Variants in CTNND2 observed in about 807,000 individuals in gnomAD.
CTNND2 encodes the protein catenin delta 2.
In CTNND2, 22 loss-of-function variants were observed where a neutral mutation model predicts 144.4. That is an observed-to-expected ratio of 0.15 (90% CI 0.11 to 0.22). The LOEUF is 0.22. Ranked by LOEUF, CTNND2 falls within the 10% of genes least tolerant of loss-of-function variation. CTNND2 has a pLI of 1.00. For synonymous variants in CTNND2, 751 were observed against 695.6 expected (o/e 1.08, Z -1.25); for missense variants, 1,353 against 1,618.8 (o/e 0.84, Z 2.82).
intron 3 of CTNND2, among the ~76,000 whole-genome samples, chr5:11,453,062 A>T (rs1170113473): frequency 6.6e-6 from 1 of 152,148 alleles, no homozygotes; most frequent in Non-Finnish European, 1.5e-5. Flanking sequence ...TCTCCATGTC[A>T]CACTTCAGGG....
chr5:11,135,386 T>C (rs964591146), intron 12 of CTNND2, among the ~76,000 whole-genome samples: 2 of 152,204 alleles, frequency 1.3e-5, no homozygotes, highest in Non-Finnish European at 2.9e-5. Flanking sequence ...TCATTTTATA[T>C]GTGCTGAAAT....
chr5:11,381,116 C>T (rs1293521079), intron 7 of CTNND2, among the ~76,000 whole-genome samples: 1 of 152,162 alleles, frequency 6.6e-6, no homozygotes, highest in Non-Finnish European at 1.5e-5. Flanking sequence ...TCAGTGGCTA[C>T]ACCTTATATA....
chr5:11,591,071 A>T (rs1779213361), intron 2 of CTNND2, among the ~76,000 whole-genome samples: 1 of 152,186 alleles, frequency 6.6e-6, no homozygotes, highest in Non-Finnish European at 1.5e-5. Flanking sequence ...CTGTTAATGC[A>T]TGTTTAAGAG....
intron 16 of CTNND2, among the ~76,000 whole-genome samples, chr5:11,070,073 C>T (rs1271610739): frequency 6.6e-6 from 1 of 152,138 alleles, no homozygotes; most frequent in Non-Finnish European, 1.5e-5. Flanking sequence ...TAACAAATCA[C>T]AAGACTTGCA....
chr5:11,767,353 G>T (rs1030706844), intron 1 of CTNND2, among the ~76,000 whole-genome samples: 1 of 152,162 alleles, frequency 6.6e-6, no homozygotes, highest in Non-Finnish European at 1.5e-5. Context: ...GTGTGAGGTT[G>T]TGTGTGGGCA....
At chr5:11,823,402 GA>G (rs2126945795) in intron 1 of CTNND2, among the ~76,000 whole-genome samples, 1 of 152,270 alleles carries the variant, frequency 6.6e-6, no homozygotes, top group South Asian at 2.1e-4. Flanking sequence ...TATTTTCAAA[GA>G]AAATGTCTCA....
chr5:11,850,622 T>G (rs1428201498), intron 1 of CTNND2, among the ~76,000 whole-genome samples: 1 of 152,224 alleles, frequency 6.6e-6, no homozygotes, highest in Admixed American at 6.5e-5. Context: ...CTTCATTTAC[T>G]TTCAAATCCA....
chr5:11,346,589 G>A lies in CTNND2; in HGVS notation c.1411C>T (p.Arg471Cys), dbSNP rs905659484. Residue 471 changes from arginine to cysteine, a missense_variant, in exon 9 of 22, where the codon CGC (arginine) becomes TGC (cysteine). By Grantham distance (180) the Arg-to-Cys change is radical. Around this residue, in one of 4 missense-constraint regions of CTNND2, gnomAD observed 708 missense variants for 706.4 expected, o/e 1.00. Coordinates refer to ENST00000304623, the MANE Select transcript of CTNND2 (RefSeq NM_001332.4). ...SPGVDSVPLQ[R>C]TGSQHGPQNA... The stretch of plus-strand genomic sequence containing the variant: ...TGTGGGCCGTGCTGGCTGCCTGTGC[G>A]CTGCAAGGGGACGGAGTCGACACCA... 14 of 1,576,660 alleles carry A rather than the reference G, an allele frequency of 8.9e-6. No homozygotes were observed. Among genetic ancestry groups the A allele is most frequent in the Admixed American group, 3.7e-5 (2 of 54,686 alleles).
rs535078185 is a variant in CTNND2, at chr5:11,241,783, C to G, written c.1629-4960G>C. 2.6e-4 allele frequency among the ~76,000 whole-genome samples: 40 copies of G among 152,276 alleles called. No individual in the cohort carries two copies. The South Asian group carries it at 7.3e-3, about 28-fold the overall frequency. The stretch of plus-strand genomic sequence containing the variant: ...AGAAAATAGTCTGTCTGGATCATTT[C>G]GGCCAGAATTCAGTGTATAGTATGG... On this transcript the variant is annotated intron_variant, in intron 9 of 21. Coordinates refer to ENST00000304623, the MANE Select transcript of CTNND2 (RefSeq NM_001332.4).
At chr5:11,126,642 T>C (rs997761891) in intron 12 of CTNND2, among the ~76,000 whole-genome samples, 1 of 152,180 alleles carries the variant, frequency 6.6e-6, no homozygotes, top group Non-Finnish European at 1.5e-5. Flanking sequence ...CACGATATCA[T>C]CAGTATGTAA....
At chr5:11,143,761 G>T (rs577746071) in intron 12 of CTNND2, among the ~76,000 whole-genome samples, 8 of 152,364 alleles carry the variant, frequency 5.3e-5, no homozygotes, top group Admixed American at 5.2e-4. Context: ...TGACTGGTGG[G>T]TGATGAAGCT....
intron 2 of CTNND2, among the ~76,000 whole-genome samples, chr5:11,695,774 C>T (rs1490646324): frequency 6.6e-5 from 10 of 152,104 alleles, no homozygotes; most frequent in Admixed American, 6.6e-4. Flanking sequence ...TCCATAATCC[C>T]TTAATTTGTC....
At chr5:11,436,101 C>T (rs949945294) in intron 3 of CTNND2, among the ~76,000 whole-genome samples, 6 of 151,922 alleles carry the variant, frequency 3.9e-5, no homozygotes, top group East Asian at 1.9e-4. Flanking sequence ...CGCTTGCTCT[C>T]GGGGGCTGGC....
intron 7 of CTNND2, among the ~76,000 whole-genome samples, chr5:11,382,108 A>G (rs1325045141): frequency 6.6e-6 from 1 of 152,176 alleles, no homozygotes; most frequent in African/African-American, 2.4e-5. Flanking sequence ...CCAGAGAGGT[A>G]CCCCCTGAAT....
chr5:11,489,599 TG>T (rs1769194523), intron 3 of CTNND2, among the ~76,000 whole-genome samples: 2 of 152,272 alleles, frequency 1.3e-5, no homozygotes, highest in African/African-American at 4.8e-5. Flanking sequence ...GAAAGCAGAA[TG>T]GGTTGGGAGA....
chr5:11,653,595 G>C (rs1370490598), intron 2 of CTNND2, among the ~76,000 whole-genome samples: 1 of 151,910 alleles, frequency 6.6e-6, no homozygotes, highest in African/African-American at 2.4e-5. Flanking sequence ...TGTGTTTTTT[G>C]TAAATATTGA....
chr5:11,773,754 T>C (rs955381545), intron 1 of CTNND2, among the ~76,000 whole-genome samples: 2 of 140,938 alleles, frequency 1.4e-5, no homozygotes, highest in Non-Finnish European at 3.0e-5. Context: ...GAGGTTGCAG[T>C]GAGCCAAGAT....
At chr5:10,976,287 T>A (rs1374204092) in intron 21 of CTNND2, among the ~76,000 whole-genome samples, 2 of 151,758 alleles carry the variant, frequency 1.3e-5, no homozygotes, top group East Asian at 3.9e-4. Flanking sequence ...ATTTTAAACT[T>A]TAAGGGAATA....
chr5:11,130,767 C>A (rs17788598), intron 12 of CTNND2, among the ~76,000 whole-genome samples: 7,132 of 152,250 alleles, frequency 0.047, 270 homozygotes, highest in South Asian at 0.077. Flanking sequence ...ACGTCTCAAG[C>A]TTGGAGTAAC....
Sources: allele counts gnomAD v4.1 joint callset (sites outside exome capture counted in the v4.1 genomes callset), GRCh38; gene constraint gnomAD v4.1.1; regional missense constraint gnomAD v4.1.1; transcripts MANE v1.5; gene names NCBI Gene and HGNC (gene_info 2026-07-23, HGNC 2026-07-21).